The following GPATCH2 variants were observed in gnomAD, a reference collection of about 807,000 sequenced individuals.
GPATCH2 encodes G patch domain-containing protein 2.
In GPATCH2, 51 loss-of-function variants were observed where a neutral mutation model predicts 58.0. The ratio of observed to expected loss-of-function variants is 0.88; its 90% CI spans 0.70 to 1.11. The LOEUF is 1.11. Among genes scored for constraint, GPATCH2 ranks in the 50% most tolerant of loss-of-function variants. The pLI, the probability that GPATCH2 is intolerant of heterozygous loss-of-function variation, is 0.00. For synonymous variants in GPATCH2, 222 were observed against 218.5 expected, an observed-to-expected ratio of 1.02 and a Z score of -0.14; for missense variants, 625 against 652.2, an observed-to-expected ratio of 0.96 and a Z score of 0.45.
At chr1:217,557,981 C>T (rs774754098) in intron 5 of GPATCH2, among the ~76,000 whole-genome samples, 3 of 152,118 alleles carry the variant, frequency 2.0e-5, no homozygotes, top group Non-Finnish European at 2.9e-5. Context: ...CCACATCTTA[C>T]GATTTTCAAA....
At chr1:217,552,942 T>A (rs1665433330) in intron 5 of GPATCH2, among the ~76,000 whole-genome samples, 1 of 152,152 alleles carries the variant, frequency 6.6e-6, no homozygotes, top group Non-Finnish European at 1.5e-5. Flanking sequence ...CTTTTAATCA[T>A]CTCAGGAGTG....
rs79952997 is a variant in GPATCH2 at position 217,613,327 on chromosome 1, T to C, written c.835+814A>G. On this transcript the variant is annotated intron_variant, in intron 3 of 9. Transcript: ENST00000366935. The stretch of plus-strand genomic sequence containing the variant: ...GACTAAGAAAAAAAGTATAGGAGGC[T>C]ACTTTGTCCTTTTCTTATAACATCA... Among the ~76,000 whole-genome samples the C allele has an allele frequency of 9.8e-3, 1,491 of 152,242 alleles. 9 individuals are homozygous for C. The highest frequency in any genetic ancestry group is 0.016 in the Non-Finnish European group (1,074 of 67,962).
chr1:217,571,703 CAAAAAAAA>C (rs11463536), intron 5 of GPATCH2, among the ~76,000 whole-genome samples: 1 of 73,814 alleles, frequency 1.4e-5, no homozygotes, highest in East Asian at 5.1e-4. Flanking sequence ...AAAACGAAAC[CAAAAAAAA>C]AAAAAAAAAC....
rs1332537911 is a variant in GPATCH2, at chr1:217,491,669, G to T, written c.1277+11C>A. On this transcript the variant is annotated intron_variant, in intron 8 of 9. Transcript: ENST00000366935. ...AAATGAATGAATAAAAAGCGATTTT[G>T]AATTGCTTACCTGCTGGCTGTTCTC... is the stretch of plus-strand genomic sequence containing the variant. The T allele has an allele frequency of 1.9e-5, 25 of 1,340,384 alleles. No homozygotes were observed. Among genetic ancestry groups the T allele is most frequent in the Non-Finnish European group, 2.5e-5 (24 of 945,850 alleles). The allele number at this position is 1,340,384 out of a possible 1,614,324, so 83.0% of individuals were successfully genotyped here.
At chr1:217,583,297 C>A (rs765663520) in intron 5 of GPATCH2, among the ~76,000 whole-genome samples, 3 of 151,842 alleles carry the variant, frequency 2.0e-5, no homozygotes, top group African/African-American at 4.8e-5. Flanking sequence ...CTGAGTCGGG[C>A]GGGGTGGCTC....
intron 1 of GPATCH2, among the ~76,000 whole-genome samples, chr1:217,623,762 C>T (rs566805035): frequency 2.0e-5 from 3 of 151,936 alleles, no homozygotes; most frequent in South Asian, 2.1e-4. Context: ...ATTAGGCTGG[C>T]GTGCTGGTGG....
chr1:217,594,210 G>A (rs1173221178), intron 5 of GPATCH2, among the ~76,000 whole-genome samples: 1 of 151,998 alleles, frequency 6.6e-6, no homozygotes, highest in Non-Finnish European at 1.5e-5. Flanking sequence ...ACACATGTGA[G>A]GCACGAGGCA....
intron 1 of GPATCH2, among the ~76,000 whole-genome samples, chr1:217,629,376 T>A (rs948586808): frequency 4.6e-5 from 7 of 152,082 alleles, no homozygotes; most frequent in African/African-American, 1.4e-4. Context: ...TAAGAAATGG[T>A]GAGTTGTATG....
intron 9 of GPATCH2, among the ~76,000 whole-genome samples, chr1:217,445,089 T>A (rs1659325396): frequency 6.6e-6 from 1 of 152,128 alleles, no homozygotes. Flanking sequence ...TTGCCAGAAC[T>A]CACATGTTCA....
At chr1:217,617,053 C>T (rs1365604487) in intron 2 of GPATCH2, among the ~76,000 whole-genome samples, 1 of 152,016 alleles carries the variant, frequency 6.6e-6, no homozygotes, top group Non-Finnish European at 1.5e-5. Context: ...ATAAAGATCA[C>T]ACTATCTTGA....
intron 9 of GPATCH2, among the ~76,000 whole-genome samples, chr1:217,432,763 T>C (rs1410552160): frequency 6.6e-6 from 1 of 152,040 alleles, no homozygotes; most frequent in African/African-American, 2.4e-5. Context: ...AAAAGAGAGA[T>C]GAAAGTCTAT....
intron 8 of GPATCH2, among the ~76,000 whole-genome samples, chr1:217,464,891 G>T (rs923652799): frequency 1.3e-5 from 2 of 152,010 alleles, no homozygotes; most frequent in African/African-American, 4.8e-5. Flanking sequence ...AAAAAATAAG[G>T]TCCTTAGAGA....
intron 5 of GPATCH2, among the ~76,000 whole-genome samples, chr1:217,574,648 A>G (rs1271612107): frequency 6.6e-6 from 1 of 152,334 alleles, no homozygotes. Context: ...AGTACTTTAC[A>G]TATGTTATAT....
intron 8 of GPATCH2, among the ~76,000 whole-genome samples, chr1:217,454,365 G>A (rs570491708): frequency 1.3e-5 from 2 of 151,968 alleles, no homozygotes; most frequent in South Asian, 4.1e-4. Context: ...TGAGGTGGGC[G>A]GATCACGAGG....
At chr1:217,469,974 T>C (rs1320976917) in intron 8 of GPATCH2, among the ~76,000 whole-genome samples, 1 of 152,196 alleles carries the variant, frequency 6.6e-6, no homozygotes, top group African/African-American at 2.4e-5. Flanking sequence ...ATTCTGGCAC[T>C]TACACATTGG....
At chr1:217,484,643 A>G (rs1485698233) in intron 8 of GPATCH2, among the ~76,000 whole-genome samples, 1 of 149,186 alleles carries the variant, frequency 6.7e-6, no homozygotes, top group East Asian at 1.9e-4. Flanking sequence ...ACGTGTATAC[A>G]TATATACACA....
At chr1:217,614,319 G>C (rs1668779496) in intron 2 of GPATCH2, 117 bp from the exon 3 acceptor site, 2 of 630,736 alleles carry the variant, frequency 3.2e-6, no homozygotes, top group South Asian at 4.1e-5. Context: ...AGATCTGAAA[G>C]AAAATAAGAT....
rs564130398 is a variant in GPATCH2 at position 217,602,710 on chromosome 1, G to A, written c.1098+7611C>T. Among the ~76,000 whole-genome samples the A allele has an allele frequency of 1.2e-4, 19 of 152,290 alleles. No homozygotes were observed. The South Asian group carries it at 3.7e-3, about 30-fold the overall frequency. On this transcript the variant is annotated intron_variant, in intron 5 of 9. Transcript: ENST00000366935. ...CTACCTGAGAAACATACAAAGGGAAGAAAGGGTGAAAATGGAGGACTGGGT... is the reference window on the plus strand; with the variant it reads ...CTACCTGAGAAACATACAAAGGGAAAAAAGGGTGAAAATGGAGGACTGGGT...
chr1:217,462,427 T>A (rs1232490888), intron 8 of GPATCH2, among the ~76,000 whole-genome samples: 1 of 152,086 alleles, frequency 6.6e-6, no homozygotes, highest in Non-Finnish European at 1.5e-5. Context: ...TTTAGAAGAA[T>A]CAACAGTTTT....
Sources: allele counts gnomAD v4.1 joint callset (sites outside exome capture counted in the v4.1 genomes callset), GRCh38; gene constraint gnomAD v4.1.1; transcripts MANE v1.5; gene names NCBI Gene and HGNC (gene_info 2026-07-23, HGNC 2026-07-21).